IQCM: variants seen among roughly 807,000 people sequenced by gnomAD.
IQCM encodes IQ domain-containing protein M.
IQCM carries 45 observed loss-of-function variants against 57.6 expected under a neutral mutation model. The observed-to-expected ratio is 0.78, with a 90% CI of 0.62 to 1.00. IQCM has a LOEUF of 1.00. Ranked by LOEUF, IQCM falls within the 50% of genes least tolerant of loss-of-function variation. The probability of loss-of-function intolerance (pLI) is 0.00; values close to 1 mark genes in which losing one functional copy is unlikely to be tolerated. For synonymous variants in IQCM, 148 were observed against 158.9 expected (o/e 0.93, Z 0.51); for missense variants, 468 against 511.6 (o/e 0.91, Z 0.82).
rs531808318 is a variant in IQCM, at chr4:149,470,027, T to C, written c.1229-36470A>G. 2.0e-4 allele frequency among the ~76,000 whole-genome samples: 31 copies of C among 152,238 alleles called. No individual in the cohort carries two copies. The East Asian group carries it at 6.0e-3, about 29-fold the overall frequency. On this transcript the variant is annotated intron_variant, in intron 12 of 13. Transcript: ENST00000636793. ...CCAGCCACTGCAAAAACATGCCACA[T>C]TGTAAAGACCATCAATGCTAGGAAG...
intron 5 of IQCM, among the ~76,000 whole-genome samples, chr4:149,724,305 A>C (rs1332245055): frequency 6.6e-6 from 1 of 152,204 alleles, no homozygotes; most frequent in East Asian, 1.9e-4. Context: ...CTGTAGGCAA[A>C]GGAAAAATCA....
chr4:149,614,831 C>T (rs1198217654), intron 8 of IQCM, among the ~76,000 whole-genome samples: 2 of 152,182 alleles, frequency 1.3e-5, no homozygotes, highest in East Asian at 1.9e-4. Flanking sequence ...CCACAGGCTG[C>T]GAGCTGGACA....
intron 13 of IQCM, among the ~76,000 whole-genome samples, chr4:149,358,844 C>CAGTATATAATGATATACTCTCATG (rs1729209565): frequency 9.3e-6 from 1 of 108,028 alleles, no homozygotes; most frequent in Non-Finnish European, 2.0e-5. Context: ...GCACAGTGGA[C>CAGTATATAATGATATACTCTCATG]AGTATATCAT....
chr4:149,582,655 A>C (rs1752317944), intron 9 of IQCM, among the ~76,000 whole-genome samples: 1 of 151,498 alleles, frequency 6.6e-6, no homozygotes, highest in African/African-American at 2.4e-5. Context: ...AGTTTCCTCA[A>C]ATTCTCAAAG....
Position 149,652,930 on chromosome 4 carries a change from C to T in IQCM, c.565+29188G>A, listed in dbSNP as rs181982296. On this transcript the variant is annotated intron_variant, in intron 7 of 13. Transcript: ENST00000636793. ...GTAGGATGCTCACCAAAACACACCT[C>T]ATAAATTTTACTAGAATACAGAAAT... Among the ~76,000 whole-genome samples, 17 of 152,230 alleles carry T rather than the reference C, an allele frequency of 1.1e-4. No homozygotes were observed. In the East Asian group the frequency reaches 3.3e-3, roughly 29 times the overall value.
At chr4:149,648,515 G>A (rs1480456989) in intron 7 of IQCM, among the ~76,000 whole-genome samples, 1 of 152,174 alleles carries the variant, frequency 6.6e-6, no homozygotes, top group Non-Finnish European at 1.5e-5. Flanking sequence ...ATGTGCATGT[G>A]TCTTTATAGC....
At chr4:149,769,383 A>G (rs1473576672) in intron 2 of IQCM, among the ~76,000 whole-genome samples, 19 of 151,996 alleles carry the variant, frequency 1.3e-4, no homozygotes. Context: ...ATCCAAAATG[A>G]GCCCTTCTCT....
intron 8 of IQCM, among the ~76,000 whole-genome samples, chr4:149,595,797 A>C (rs1030120167): frequency 6.6e-6 from 1 of 152,124 alleles, no homozygotes; most frequent in African/African-American, 2.4e-5. Context: ...AAGCCATATA[A>C]CCACCCATGG....
intron 2 of IQCM, among the ~76,000 whole-genome samples, chr4:149,780,028 C>T (rs28637502): frequency 0.33 from 49,831 of 151,862 alleles, 10,478 homozygotes; most frequent in African/African-American, 0.57. Flanking sequence ...ATGCAAATTA[C>T]TGAATGTATC....
chr4:149,402,709 G>C (rs993043926), intron 13 of IQCM, among the ~76,000 whole-genome samples: 2 of 151,844 alleles, frequency 1.3e-5, no homozygotes, highest in African/African-American at 4.8e-5. Flanking sequence ...GAACGCTGTA[G>C]TTACTAGAAA....
chr4:149,674,141 A>G (rs1025498592), intron 7 of IQCM, among the ~76,000 whole-genome samples: 9 of 152,114 alleles, frequency 5.9e-5, no homozygotes, highest in African/African-American at 2.2e-4. Flanking sequence ...ACAAAAACAC[A>G]CTGATGATTT....
chr4:149,480,148 C>T (rs1320942001), intron 12 of IQCM, among the ~76,000 whole-genome samples: 1 of 152,002 alleles, frequency 6.6e-6, no homozygotes, highest in East Asian at 1.9e-4. Flanking sequence ...TCTGATTTAC[C>T]AATTGTGCAT....
chr4:149,655,140 T>C (rs1282921284), intron 7 of IQCM, among the ~76,000 whole-genome samples: 1 of 152,186 alleles, frequency 6.6e-6, no homozygotes, highest in Non-Finnish European at 1.5e-5. Flanking sequence ...ATTTCAAGAT[T>C]ATTTCAAATA....
chr4:149,569,375 G>A (rs948056146), intron 9 of IQCM, among the ~76,000 whole-genome samples: 4 of 152,018 alleles, frequency 2.6e-5, no homozygotes, highest in Admixed American at 2.6e-4. Context: ...AAACCTTGAG[G>A]TTTGTCAATG....
chr4:149,415,089 T>G (rs1420510510), intron 13 of IQCM, among the ~76,000 whole-genome samples: 2 of 152,200 alleles, frequency 1.3e-5, no homozygotes, highest in Non-Finnish European at 2.9e-5. Flanking sequence ...TCTAAAAATG[T>G]CAATTATGCT....
At chr4:149,405,449 A>G (rs1409812760) in intron 13 of IQCM, among the ~76,000 whole-genome samples, 1 of 151,934 alleles carries the variant, frequency 6.6e-6, no homozygotes, top group Non-Finnish European at 1.5e-5. Context: ...TAGGAGAAAT[A>G]CCTAATGTAA....
chr4:149,683,102 T>C (rs927599215), intron 6 of IQCM, among the ~76,000 whole-genome samples: 1 of 151,214 alleles, frequency 6.6e-6, no homozygotes, highest in East Asian at 1.9e-4. Context: ...TTTGACCCAT[T>C]ACATAGATTT....
intron 7 of IQCM, among the ~76,000 whole-genome samples, chr4:149,661,475 A>G (rs1029534002): frequency 6.6e-6 from 1 of 152,142 alleles, no homozygotes; most frequent in African/African-American, 2.4e-5. Flanking sequence ...TCACAAAATG[A>G]GCTTGAAAGT....
chr4:149,357,579 A>C (rs962608566), intron 13 of IQCM, among the ~76,000 whole-genome samples: 3 of 152,178 alleles, frequency 2.0e-5, no homozygotes, highest in South Asian at 2.1e-4. Flanking sequence ...CCAGCCTTGC[A>C]TCTCAGGGAT....
Sources: gnomAD v4.1 joint callset for allele counts (sites outside exome capture counted in the v4.1 genomes callset) on GRCh38, gnomAD v4.1.1 for gene constraint, MANE v1.5 for transcripts, NCBI Gene and HGNC (gene_info 2026-07-23, HGNC 2026-07-21) for gene names.